CBLB: variants seen among roughly 807,000 people sequenced by gnomAD.
CBLB encodes the protein Cbl proto-oncogene B.
A neutral mutation model predicts 104.9 loss-of-function variants in CBLB; 31 were observed. The ratio of observed to expected loss-of-function variants is 0.30; its 90% CI spans 0.22 to 0.40. CBLB has a LOEUF of 0.40. CBLB is among the 10% of genes least tolerant of loss of function. The probability of loss-of-function intolerance (pLI) is 1.00; values close to 1 mark genes in which losing one functional copy is unlikely to be tolerated. For synonymous variants in CBLB, 440 were observed against 422.6 expected, an observed-to-expected ratio of 1.04 and a Z score of -0.51; for missense variants, 1,062 against 1,214.6, an observed-to-expected ratio of 0.87 and a Z score of 1.87.
At chr3:105,780,647 AG>A (rs2080083753) in intron 3 of CBLB, among the ~76,000 whole-genome samples, 1 of 122,746 alleles carries the variant, frequency 8.1e-6, no homozygotes, top group Non-Finnish European at 1.7e-5. Context: ...TTACAATAAA[AG>A]TTTTGTTTTT....
intron 3 of CBLB, 46 bp from the exon 4 acceptor site, chr3:105,776,588 G>T (rs9809911): frequency 1 from 1,574,490 of 1,578,620 alleles, 785,287 homozygotes; most frequent in East Asian, 1. Context: ...TAAACACCTA[G>T]ATGCATGCAA....
At chr3:105,827,580 T>A (rs2086788953) in intron 3 of CBLB, among the ~76,000 whole-genome samples, 2 of 152,022 alleles carry the variant, frequency 1.3e-5, no homozygotes, top group South Asian at 4.1e-4. Flanking sequence ...AGGGAGCACT[T>A]TACCAGCACT....
chr3:105,796,683 C>T (rs1391272585), intron 3 of CBLB, among the ~76,000 whole-genome samples: 1 of 152,130 alleles, frequency 6.6e-6, no homozygotes, highest in Non-Finnish European at 1.5e-5. Context: ...TTGCAAACTA[C>T]ATATGTGGCA....
intron 18 of CBLB, among the ~76,000 whole-genome samples, chr3:105,663,649 A>C (rs1490913472): frequency 1.3e-5 from 2 of 152,160 alleles, no homozygotes; most frequent in Admixed American, 6.5e-5. Context: ...AGAGTGACAA[A>C]CAGAACATTC....
At chr3:105,713,665 T>C (rs1169464750) in intron 10 of CBLB, among the ~76,000 whole-genome samples, 2 of 152,196 alleles carry the variant, frequency 1.3e-5, no homozygotes, top group Admixed American at 6.5e-5. Context: ...GCTAATCACA[T>C]GCTAATAAAG....
chr3:105,773,194 T>A (rs979890807), intron 4 of CBLB, among the ~76,000 whole-genome samples: 1 of 152,240 alleles, frequency 6.6e-6, no homozygotes, highest in Non-Finnish European at 1.5e-5. Flanking sequence ...CACCATGGAC[T>A]ATTACTCAGC....
intron 18 of CBLB, among the ~76,000 whole-genome samples, chr3:105,669,152 T>C: frequency 6.6e-6 from 1 of 152,130 alleles, no homozygotes; most frequent in East Asian, 1.9e-4. Context: ...TGTTGGACAC[T>C]TGAGGATAAA....
intron 3 of CBLB, among the ~76,000 whole-genome samples, chr3:105,795,966 C>A (rs945511806): frequency 6.6e-6 from 1 of 152,074 alleles, no homozygotes; most frequent in Non-Finnish European, 1.5e-5. Context: ...TTGTGATCCA[C>A]CCACCTCGGC....
At chr3:105,702,503 A>AAT in intron 11 of CBLB, 44 bp from the exon 12 acceptor site, 9 of 1,450,226 alleles carry the variant, frequency 6.2e-6, no homozygotes, top group Non-Finnish European at 8.3e-6. Flanking sequence ...AAAAAAACTA[A>AAT]AGGTTGTACC....
chr3:105,868,600 C>G, intron 1 of CBLB, 136 bp downstream of exon 1: 1 of 524,814 alleles, frequency 1.9e-6, no homozygotes, highest in Non-Finnish European at 2.6e-6. Context: ...TGCCCCACTT[C>G]AAACTGGACG....
intron 3 of CBLB, among the ~76,000 whole-genome samples, chr3:105,830,288 T>C (rs1003529539): frequency 2.0e-5 from 3 of 152,232 alleles, no homozygotes; most frequent in African/African-American, 4.8e-5. Context: ...CCATTGTTTA[T>C]ATGACAGACA....
chr3:105,869,255 G>T, upstream of CBLB: 2 of 735,018 alleles, frequency 2.7e-6, no homozygotes, highest in Non-Finnish European at 4.3e-6. Flanking sequence ...GGAGAGAAAT[G>T]AGGGGCCTGG....
intron 3 of CBLB, among the ~76,000 whole-genome samples, chr3:105,777,744 G>A (rs757106608): frequency 7.2e-5 from 11 of 152,152 alleles, no homozygotes; most frequent in Non-Finnish European, 1.5e-4. Flanking sequence ...TGACTAAATG[G>A]TTTAGAATGG....
At position 105,702,607 on chromosome 3, in the gene CBLB, A is replaced by C. The variant is rs1264396404; in HGVS notation, c.1594-148T>G. 3.7e-6 allele frequency: 3 copies of C among 818,268 alleles called. No individual in the cohort carries two copies. In the South Asian group the frequency reaches 6.1e-5, roughly 17 times the overall value. 50.7% of individuals were successfully genotyped at this position (818,268 alleles called of 1,614,324 possible). On this transcript the variant is annotated intron_variant, in intron 11 of 18. Transcript: ENST00000394030. ...CTAGATTCCTGTGCCATCTTTTAAT[A>C]AGTTGCTTTTATTACTAGTTAATGA...
At chr3:105,821,464 T>C in intron 3 of CBLB, among the ~76,000 whole-genome samples, 1 of 152,168 alleles carries the variant, frequency 6.6e-6, no homozygotes, top group Middle Eastern at 3.2e-3. Context: ...CAAACCAGTC[T>C]ATACAGTAAG....
At chr3:105,782,578 C>CTTTTTTTTTTT (rs11333516) in intron 3 of CBLB, among the ~76,000 whole-genome samples, 1 of 137,514 alleles carries the variant, frequency 7.3e-6, no homozygotes, top group African/African-American at 2.7e-5. Flanking sequence ...CTTTTCTTTT[C>CTTTTTTTTTTT]TTTTTTTTTT....
chr3:105,817,166 T>C (rs2085178281), intron 3 of CBLB, among the ~76,000 whole-genome samples: 1 of 152,176 alleles, frequency 6.6e-6, no homozygotes, highest in African/African-American at 2.4e-5. Flanking sequence ...ATAATTAATC[T>C]TTTGCAAGAA....
intron 3 of CBLB, among the ~76,000 whole-genome samples, chr3:105,828,587 T>C (rs992760241): frequency 6.6e-6 from 1 of 152,140 alleles, no homozygotes; most frequent in African/African-American, 2.4e-5. Flanking sequence ...ATAAGTATCT[T>C]TTCAAATTTT....
chr3:105,738,983 C>T (rs528056408), intron 7 of CBLB, among the ~76,000 whole-genome samples: 1 of 152,326 alleles, frequency 6.6e-6, no homozygotes, highest in Admixed American at 6.5e-5. Context: ...GATGTTGTCA[C>T]TGTAGCCTCA....
Sources: allele counts gnomAD v4.1 joint callset (sites outside exome capture counted in the v4.1 genomes callset), GRCh38; gene constraint gnomAD v4.1.1; transcripts MANE v1.5; gene names NCBI Gene and HGNC (gene_info 2026-07-23, HGNC 2026-07-21).